The following OXNAD1 variants were observed in gnomAD, a reference collection of about 807,000 sequenced individuals.
The protein encoded by OXNAD1 is oxidoreductase NAD binding domain containing 1, also known as oxidoreductase NAD-binding domain-containing protein 1.
A neutral mutation model predicts 32.9 loss-of-function variants in OXNAD1; 34 were observed. That is an observed-to-expected ratio of 1.03 (90% CI 0.79 to 1.38). The LOEUF (loss-of-function observed/expected upper bound fraction) is 1.38, where lower values mean the gene tolerates loss of function less well. Among genes scored for constraint, OXNAD1 ranks in the 40% most tolerant of loss-of-function variants. OXNAD1 has a pLI of 0.00. For synonymous variants in OXNAD1, 134 were observed against 135.2 expected, an observed-to-expected ratio of 0.99 and a Z score of 0.06; for missense variants, 407 against 379.4, an observed-to-expected ratio of 1.07 and a Z score of -0.60.
Position 16,345,790 on chromosome 3 carries a change from G to GTC in OXNAD1, c.*31-3385_*31-3384insCT, listed in dbSNP as rs199897646. Among the ~76,000 whole-genome samples the GTC allele has an allele frequency of 0.019, 1,194 of 63,934 alleles. 13 individuals carry two copies. The highest frequency in any genetic ancestry group is 0.069 in the African/African-American group (955 of 13,892). 41.9% of individuals were successfully genotyped at this position (63,934 alleles called of 152,430 possible). On this transcript the variant is annotated intron_variant, in intron 9 of 9. Coordinates refer to the OXNAD1 transcript ENST00000606098. The surrounding 1 kb of genome is among the most constrained non-coding windows in gnomAD (Gnocchi z 5.2). ...AGCCAAAACCTTATAATAAATCTCT[G>GTC]TGTGTGTGTGTGTGTGTGTGTGTGT...
At position 16,348,063 on chromosome 3, in the gene OXNAD1, A is replaced by G. The variant is rs2071853647; in HGVS notation, c.*31-1113A>G. 6.6e-6 allele frequency: 1 copy of G among 152,162 alleles called. No homozygotes were observed. Among genetic ancestry groups the G allele is most frequent in the Non-Finnish European group, 1.5e-5 (1 of 68,038 alleles). The allele number at this position is 152,162 out of a possible 1,614,324, so 9.4% of individuals were successfully genotyped here. ...TTATGCTCAGAGTTGTCCCCATCTGAGGCCAGGGAGCAGGGCTTTCATACA... is the reference window on the plus strand; with the variant it reads ...TTATGCTCAGAGTTGTCCCCATCTGGGGCCAGGGAGCAGGGCTTTCATACA... On this transcript the variant is annotated intron_variant, in intron 9 of 9. Coordinates refer to the OXNAD1 transcript ENST00000606098. The surrounding 1 kb of genome is among the most constrained non-coding windows in gnomAD (Gnocchi z 6.3).
rs1482589540 is a variant in OXNAD1 at position 16,297,499 on chromosome 3, G to A, written c.432+2502G>A. ...TATGACCCAGCAATACCACTTCTGA[G>A]TGTCTTAGAGAAATGAAGGCTATGT... On this transcript the variant is annotated intron_variant, in intron 6 of 8. Coordinates refer to ENST00000285083, the MANE Select transcript of OXNAD1 (RefSeq NM_138381.5). This position sits in a 1 kb window ranked among gnomAD's most constrained non-coding sequence, Gnocchi z 4.3. Among the ~76,000 whole-genome samples the A allele has an allele frequency of 6.6e-6, 1 of 152,172 alleles. No individual in the cohort carries two copies. The highest frequency in any genetic ancestry group is 1.5e-5 in the Non-Finnish European group (1 of 68,026).
At chr3:16,268,679 G>A (rs895900644) in intron 1 of OXNAD1, among the ~76,000 whole-genome samples, 2 of 151,966 alleles carry the variant, frequency 1.3e-5, no homozygotes, top group Non-Finnish European at 2.9e-5. Context: ...GTTGAGAAGG[G>A]GACCATTCAA....
chr3:16,338,203 C>A (rs1303586427), downstream of OXNAD1, among the ~76,000 whole-genome samples: 1 of 152,220 alleles, frequency 6.6e-6, no homozygotes, highest in East Asian at 1.9e-4. The surrounding 1 kb of genome is among the most constrained non-coding windows in gnomAD (Gnocchi z 5.3). Flanking sequence ...GATGGAAGGG[C>A]AGGAGATGGC....
chr3:16,282,083 A>C (rs1300767658), intron 4 of OXNAD1, among the ~76,000 whole-genome samples: 1 of 121,686 alleles, frequency 8.2e-6, no homozygotes, highest in Non-Finnish European at 1.6e-5. Flanking sequence ...GGGTTTTGCC[A>C]CGTTGCCCAG....
chr3:16,316,508 A>T lies in OXNAD1; in HGVS notation c.*30+12916A>T. 2.7e-6 allele frequency: 1 copy of T among 374,610 alleles called. No individual in the cohort carries two copies. The highest frequency in any genetic ancestry group is 4.9e-6 in the Non-Finnish European group (1 of 204,366). The allele number at this position is 374,610 out of a possible 1,614,324, so 23.2% of individuals were successfully genotyped here. Reference sequence around the variant, plus strand: ...GCTCCCTGGAGGCCCTGTGGCGAGGACAGGCACTGGATGGTCCAGACCCTC... The same window carrying T: ...GCTCCCTGGAGGCCCTGTGGCGAGGTCAGGCACTGGATGGTCCAGACCCTC... On this transcript the variant is annotated intron_variant, in intron 9 of 9. Coordinates refer to the OXNAD1 transcript ENST00000435829. The surrounding 1 kb of genome is among the most constrained non-coding windows in gnomAD (Gnocchi z 4.5).
intron 4 of OXNAD1, among the ~76,000 whole-genome samples, chr3:16,274,628 AAC>A (rs1267574687): frequency 1.3e-5 from 2 of 152,232 alleles, no homozygotes; most frequent in Admixed American, 6.5e-5. Flanking sequence ...ACTATAAAGA[AAC>A]AGACTATTAG....
At chr3:16,313,034 C>T (rs1575186726) in intron 9 of OXNAD1, among the ~76,000 whole-genome samples, 2 of 150,080 alleles carry the variant, frequency 1.3e-5, no homozygotes, top group African/African-American at 5.0e-5. Flanking sequence ...TTATTTAACG[C>T]CCATGTCAAG....
In OXNAD1 at chr3:16,321,161, G is replaced by C. The variant is rs1031370304; in HGVS notation, c.*31-15951G>C. 6.6e-6 allele frequency among the ~76,000 whole-genome samples: 1 copy of C among 152,110 alleles called. No individual in the cohort carries two copies. Among genetic ancestry groups the C allele is most frequent in the Admixed American group, 6.5e-5 (1 of 15,280 alleles). Reference sequence around the variant, plus strand: ...TAGGGTGGCGGTTGGCCAGGTGGGCGAGGTATGGGGAGGGGGACAGTCATA... The same window carrying C: ...TAGGGTGGCGGTTGGCCAGGTGGGCCAGGTATGGGGAGGGGGACAGTCATA... On this transcript the variant is annotated intron_variant, in intron 9 of 9. Coordinates refer to the OXNAD1 transcript ENST00000435829. The surrounding 1 kb of genome is among the most constrained non-coding windows in gnomAD (Gnocchi z 4.8).
rs1348852957 is a variant in OXNAD1 at position 16,304,707 on chromosome 3, GT to G, written c.*1146del. ...TTGCCTGCATAGAGATCACAGGAGG[GT>G]GAAGGGAGCCTGGGAAGAAGGACAG... On this transcript the variant is annotated 3_prime_UTR_variant, in exon 9 of 9. Coordinates refer to ENST00000285083, the MANE Select transcript of OXNAD1 (RefSeq NM_138381.5). This position sits in a 1 kb window ranked among gnomAD's most constrained non-coding sequence, Gnocchi z 4.6. 1 of 152,312 alleles carries G rather than the reference GT, an allele frequency of 6.6e-6. No individual in the cohort carries two copies. The highest frequency in any genetic ancestry group is 1.5e-5 in the Non-Finnish European group (1 of 68,100). The allele number at this position is 152,312 out of a possible 1,614,324, so 9.4% of individuals were successfully genotyped here.
rs1038466533 is a variant in OXNAD1 at position 16,322,559 on chromosome 3, G to A, written c.*31-14553G>A. Among the ~76,000 whole-genome samples the A allele has an allele frequency of 1.3e-5, 2 of 152,204 alleles. No homozygotes were observed. Among genetic ancestry groups the A allele is most frequent in the South Asian group, 2.1e-4 (1 of 4,830 alleles). ...GGTGATGCCTGACTCAGGCTTTGGT[G>A]TGTCCACTCGACTCACTGGCCTCTT... On this transcript the variant is annotated intron_variant, in intron 9 of 9. Coordinates refer to the OXNAD1 transcript ENST00000435829. This position sits in a 1 kb window ranked among gnomAD's most constrained non-coding sequence, Gnocchi z 6.2.
chr3:16,323,473 C>G (rs149141757), intron 9 of OXNAD1: 1 of 1,602,366 alleles, frequency 6.2e-7, no homozygotes, highest in Non-Finnish European at 8.5e-7. Context: ...ACACACGGAG[C>G]TGAGAATGAG....
chr3:16,286,463 T>A lies in OXNAD1; in HGVS notation c.290+15T>A. On this transcript the variant is annotated intron_variant, in intron 5 of 8. Coordinates refer to ENST00000285083, the MANE Select transcript of OXNAD1 (RefSeq NM_138381.5). ...GCTGGCCAGTGGTAAGTGACTTTTC[T>A]GTGTTCCATGTATGTATGTTCAAGA... is the stretch of plus-strand genomic sequence containing the variant. The A allele has an allele frequency of 6.3e-7, 1 of 1,599,980 alleles. No homozygotes were observed. The highest frequency in any genetic ancestry group is 8.6e-7 in the Non-Finnish European group (1 of 1,167,396).
intron 2 of OXNAD1, among the ~76,000 whole-genome samples, chr3:16,269,777 A>G (rs974304428): frequency 6.6e-6 from 1 of 152,242 alleles, no homozygotes; most frequent in African/African-American, 2.4e-5. Context: ...GCTAACAGCA[A>G]TTTATCACAA....
rs2067518311 is a variant in OXNAD1, at chr3:16,305,878, AGT to A, written c.*2321_*2322del. On this transcript the variant is annotated 3_prime_UTR_variant, in exon 9 of 9. Coordinates refer to ENST00000285083, the MANE Select transcript of OXNAD1 (RefSeq NM_138381.5). The surrounding 1 kb of genome is among the most constrained non-coding windows in gnomAD (Gnocchi z 4.5). The stretch of plus-strand genomic sequence containing the variant: ...AAAGTGCTTGGCAGAGCACTGCATG[AGT>A]GTGTTGTCGTTATTAATTTGCTATT... The A allele has an allele frequency of 6.6e-6, 1 of 152,176 alleles. No homozygotes were observed. The highest frequency in any genetic ancestry group is 1.5e-5 in the Non-Finnish European group (1 of 68,022). 9.4% of individuals were successfully genotyped at this position (152,176 alleles called of 1,614,324 possible). A position where few individuals can be genotyped will look rare whatever the true frequency, so the allele number is the denominator to read the frequency against.
rs547544249 is a variant in OXNAD1 at position 16,313,237 on chromosome 3, C to A, written c.*30+9645C>A. Among the ~76,000 whole-genome samples, 625 of 89,548 alleles carry A rather than the reference C, an allele frequency of 7.0e-3. 3 individuals are homozygous for A. The highest frequency in any genetic ancestry group is 0.035 in the African/African-American group (585 of 16,490). The allele number at this position is 89,548 out of a possible 152,430, so 58.7% of individuals were successfully genotyped here. On this transcript the variant is annotated intron_variant, in intron 9 of 9. Transcript: ENST00000435829. ...TTTTTTTTTTTTGCAGAGGCAAGTT[C>A]TTGCTATGTTGCCCAGGCTGGTCTC...
intron 5 of OXNAD1, among the ~76,000 whole-genome samples, 157 bp from the exon 6 acceptor site, chr3:16,294,699 T>G (rs895687355): frequency 9.2e-5 from 14 of 152,252 alleles, no homozygotes; most frequent in African/African-American, 3.4e-4. Flanking sequence ...CCTTTATAAT[T>G]CTTTTTATTT....
Position 16,268,313 on chromosome 3 carries a change from CTTTTTTTTTTTTTTTTTTTTTT to C in OXNAD1, c.-158-801_-158-780del, listed in dbSNP as rs531751365. ...AATCTTAGGATTTTAAAGAGAACTCCTTTTTTTTTTTTTTTTTTTTTTTTTTTTTTTTTGAGACTGAGTTTCG... is the reference window on the plus strand; with the variant it reads ...AATCTTAGGATTTTAAAGAGAACTCCTTTTTTTTTTTGAGACTGAGTTTCG... On this transcript the variant is annotated intron_variant, in intron 1 of 8. Transcript: ENST00000285083. Among the ~76,000 whole-genome samples the C allele has an allele frequency of 2.5e-4, 15 of 61,004 alleles. 1 individual carries two copies. The highest frequency in any genetic ancestry group is 2.0e-3 in the South Asian group (2 of 1,004). The allele number at this position is 61,004 out of a possible 152,430, so 40.0% of individuals were successfully genotyped here.
downstream of OXNAD1, among the ~76,000 whole-genome samples, chr3:16,341,882 A>T (rs746059091): frequency 2.0e-5 from 3 of 152,216 alleles, no homozygotes; most frequent in Non-Finnish European, 4.4e-5. This position sits in a 1 kb window ranked among gnomAD's most constrained non-coding sequence, Gnocchi z 4.7. Flanking sequence ...AAAAATATGC[A>T]AATATAGATA....
Sources: gnomAD v4.1 joint callset for allele counts (sites outside exome capture counted in the v4.1 genomes callset) on GRCh38, gnomAD v4.1.1 for gene constraint, Gnocchi (gnomAD v3.1) non-coding constraint, MANE v1.5 for transcripts, NCBI Gene and HGNC (gene_info 2026-07-23, HGNC 2026-07-21) for gene names.